SLCO6A1: variants seen among roughly 807,000 people sequenced by gnomAD.
SLCO6A1 encodes the protein cancer/testis antigen 48.
SLCO6A1 carries 65 observed loss-of-function variants against 72.7 expected under a neutral mutation model. That is an observed-to-expected ratio of 0.89 (90% CI 0.73 to 1.10). The LOEUF (loss-of-function observed/expected upper bound fraction) is 1.10, where lower values mean the gene tolerates loss of function less well. Among genes scored for constraint, SLCO6A1 ranks in the 50% least tolerant of loss-of-function variants. The pLI is 0.00. For missense variants in SLCO6A1, 874 were observed against 872.6 expected (o/e 1.00, Z -0.02); for synonymous variants, 314 against 298.2 (o/e 1.05, Z -0.55).
In SLCO6A1 at chr5:102,437,149, G is replaced by A. The variant is rs568366910; in HGVS notation, c.1276+1468C>T. Among the ~76,000 whole-genome samples, 145 of 152,246 alleles carry A rather than the reference G, an allele frequency of 9.5e-4. 1 individual carries two copies. Among genetic ancestry groups the A allele is most frequent in the African/African-American group, 3.4e-3 (142 of 41,542 alleles). On this transcript the variant is annotated intron_variant, in intron 7 of 13. Coordinates refer to ENST00000506729, the MANE Select transcript of SLCO6A1 (RefSeq NM_173488.5). ...AATTAGAAACTATAGGGCAAAATTT[G>A]TCTGTGACTTGACTTGAAATAATCA... is the stretch of plus-strand genomic sequence containing the variant.
chr5:102,421,834 C>T (rs998150382), intron 7 of SLCO6A1, among the ~76,000 whole-genome samples: 2 of 152,234 alleles, frequency 1.3e-5, no homozygotes, highest in African/African-American at 2.4e-5. Context: ...TGGAAGACAC[C>T]TCCCAGCAGG....
intron 7 of SLCO6A1, among the ~76,000 whole-genome samples, chr5:102,422,884 G>T (rs1748684302): frequency 6.6e-6 from 1 of 152,172 alleles, no homozygotes; most frequent in Non-Finnish European, 1.5e-5. Flanking sequence ...AGAAAGGTCA[G>T]GTTACCTACT....
intron 10 of SLCO6A1, among the ~76,000 whole-genome samples, chr5:102,393,043 A>T (rs1746854977): frequency 6.6e-6 from 1 of 152,216 alleles, no homozygotes; most frequent in Admixed American, 6.5e-5. Context: ...TAATCAGTAG[A>T]TCCAATACTG....
At chr5:102,447,136 T>A (rs1750156633) in intron 6 of SLCO6A1, among the ~76,000 whole-genome samples, 1 of 152,346 alleles carries the variant, frequency 6.6e-6, no homozygotes, top group African/African-American at 2.4e-5. Context: ...GTGCTTTTGT[T>A]TTTAGTTCTG....
intron 4 of SLCO6A1, among the ~76,000 whole-genome samples, chr5:102,472,834 G>A (rs893835941): frequency 6.6e-6 from 1 of 152,076 alleles, no homozygotes; most frequent in East Asian, 1.9e-4. Flanking sequence ...AGAATCACAA[G>A]AAACTACTAT....
chr5:102,398,468 G>A (rs951181576), intron 10 of SLCO6A1, among the ~76,000 whole-genome samples: 6 of 152,202 alleles, frequency 3.9e-5, no homozygotes, highest in East Asian at 1.9e-4. Context: ...GTGAGCCACC[G>A]CGCCTGGCCA....
intron 10 of SLCO6A1, among the ~76,000 whole-genome samples, chr5:102,395,622 T>C (rs1419382634): frequency 6.6e-6 from 1 of 152,102 alleles, no homozygotes; most frequent in Admixed American, 6.5e-5. Flanking sequence ...CCACACTGAC[T>C]TCCACAATGG....
At chr5:102,373,977 A>G (rs1273867071) in intron 12 of SLCO6A1, among the ~76,000 whole-genome samples, 1 of 152,066 alleles carries the variant, frequency 6.6e-6, no homozygotes, top group Non-Finnish European at 1.5e-5. Flanking sequence ...CATTATACAA[A>G]TGTACTTGAA....
chr5:102,427,260 T>C (rs762262172), intron 7 of SLCO6A1, among the ~76,000 whole-genome samples: 3 of 151,934 alleles, frequency 2.0e-5, no homozygotes, highest in Non-Finnish European at 2.9e-5. Flanking sequence ...TTACAGTGTG[T>C]ATTAAAAAAA....
chr5:102,441,103 T>C lies in SLCO6A1; in HGVS notation c.1132-2342A>G, dbSNP rs192909172. ...GTTTCTTTCATAGAACAGAAATCCT[T>C]GACTTGATATATCTAATCCATAAAG... On this transcript the variant is annotated intron_variant, in intron 6 of 13. Coordinates refer to ENST00000506729, the MANE Select transcript of SLCO6A1 (RefSeq NM_173488.5). Among the ~76,000 whole-genome samples, 289 of 152,334 alleles carry C rather than the reference T, an allele frequency of 1.9e-3. 3 individuals are homozygous for C. The highest frequency in any genetic ancestry group is 6.7e-3 in the African/African-American group (279 of 41,592).
Position 102,443,501 on chromosome 5 carries a change from G to GA in SLCO6A1, c.1132-4741dup. 2.0e-5 allele frequency among the ~76,000 whole-genome samples: 3 copies of GA among 152,240 alleles called. 1 individual carries two copies. Among genetic ancestry groups the GA allele is most frequent in the Admixed American group, 2.0e-4 (3 of 15,300 alleles). The stretch of plus-strand genomic sequence containing the variant: ...ACTCTTCAACAAGGTGTCCTTACTG[G>GA]ACATTGTTCTCAAATTAGGACATTT... On this transcript the variant is annotated intron_variant, in intron 6 of 13. Coordinates refer to ENST00000506729, the MANE Select transcript of SLCO6A1 (RefSeq NM_173488.5).
At chr5:102,447,396 G>A (rs186217937) in intron 6 of SLCO6A1, among the ~76,000 whole-genome samples, 140 of 152,292 alleles carry the variant, frequency 9.2e-4, no homozygotes, top group Admixed American at 1.4e-3. Flanking sequence ...ATGTTAAGGA[G>A]GAGTACCTCC....
intron 6 of SLCO6A1, among the ~76,000 whole-genome samples, chr5:102,446,958 T>C (rs1750144998): frequency 6.6e-6 from 1 of 152,198 alleles, no homozygotes; most frequent in Non-Finnish European, 1.5e-5. Context: ...TTTCACCATG[T>C]TGGCCAGACC....
rs183197307 is a variant in SLCO6A1 at position 102,448,282 on chromosome 5, T to A, written c.1132-9521A>T. 2.8e-4 allele frequency among the ~76,000 whole-genome samples: 43 copies of A among 152,368 alleles called. 1 individual carries two copies. The highest frequency in any genetic ancestry group is 1.3e-4 in the Non-Finnish European group (9 of 68,040). Reference sequence around the variant, plus strand: ...TATTTGAATTTGTTAAGAATTGCTTTATGGCTGATTGCGTGGTCAATTTTA... The same window carrying A: ...TATTTGAATTTGTTAAGAATTGCTTAATGGCTGATTGCGTGGTCAATTTTA... On this transcript the variant is annotated intron_variant, in intron 6 of 13. Coordinates refer to ENST00000506729, the MANE Select transcript of SLCO6A1 (RefSeq NM_173488.5).
At chr5:102,477,044 T>C (rs143625658) in intron 3 of SLCO6A1, among the ~76,000 whole-genome samples, 2 of 152,248 alleles carry the variant, frequency 1.3e-5, no homozygotes, top group East Asian at 3.9e-4. Flanking sequence ...TAATTAAGTA[T>C]ATATACACAT....
intron 4 of SLCO6A1, among the ~76,000 whole-genome samples, chr5:102,470,531 C>T (rs548853227): frequency 6.6e-6 from 1 of 152,026 alleles, no homozygotes; most frequent in African/African-American, 2.4e-5. Context: ...TTTATTGTGT[C>T]TACTTGATTC....
chr5:102,385,268 T>C lies in SLCO6A1; in HGVS notation c.2017+3420A>G, dbSNP rs569383475. 1.3e-4 allele frequency among the ~76,000 whole-genome samples: 20 copies of C among 152,242 alleles called. No individual in the cohort carries two copies. In the South Asian group the frequency reaches 4.1e-3, roughly 32 times the overall value. ...TTGACTTTTGTGAATTTGATTGTAG[T>C]GTTTTCAGTGAAGACTTCCTTACAT... is the stretch of plus-strand genomic sequence containing the variant. On this transcript the variant is annotated intron_variant, in intron 12 of 13. Coordinates refer to ENST00000506729, the MANE Select transcript of SLCO6A1 (RefSeq NM_173488.5).
chr5:102,390,041 C>G lies in SLCO6A1; in HGVS notation c.1879+940G>C, dbSNP rs1465302977. 2.0e-5 allele frequency among the ~76,000 whole-genome samples: 3 copies of G among 152,050 alleles called. No homozygotes were observed. The South Asian group carries it at 6.2e-4, about 32-fold the overall frequency. On this transcript the variant is annotated intron_variant, in intron 11 of 13. Transcript: ENST00000506729. ...TTACAAATATGAGCACTGTGCCTAG[C>G]CGGGGTTATCTTTTAAATGTAAATC...
rs1309470966 is a variant in SLCO6A1, at chr5:102,413,162, AT to A, written c.1473-20del. 1 of 1,538,776 alleles carries A rather than the reference AT, an allele frequency of 6.5e-7. No individual in the cohort carries two copies. Among genetic ancestry groups the A allele is most frequent in the East Asian group, 2.5e-5 (1 of 40,388 alleles). ...CCCTGTTCTGTAAAAACAAGATTGA[AT>A]GTAATCATATTACCATTGTTTTATA... On this transcript the variant is annotated intron_variant, in intron 8 of 13. Transcript: ENST00000506729.
Sources: gnomAD v4.1 joint callset for allele counts (sites outside exome capture counted in the v4.1 genomes callset) on GRCh38, gnomAD v4.1.1 for gene constraint, MANE v1.5 for transcripts, NCBI Gene and HGNC (gene_info 2026-07-23, HGNC 2026-07-21) for gene names.